STON1: variants seen among roughly 807,000 people sequenced by gnomAD.
STON1 encodes stonin-1.
A neutral mutation model predicts 60.9 loss-of-function variants in STON1; 79 were observed. The observed-to-expected ratio is 1.30, with a 90% confidence interval of 1.08 to 1.56. The LOEUF is 1.56. STON1 is among the 40% of genes most tolerant of loss of function. The pLI, the probability that STON1 is intolerant of heterozygous loss-of-function variation, is 0.00. For synonymous variants in STON1, 363 were observed against 306.9 expected (o/e 1.18, Z -1.91); for missense variants, 1,166 against 858.9 (o/e 1.36, Z -4.47).
In STON1 at chr2:48,595,412, G is replaced by A. The variant is rs984442895; in HGVS notation, c.*110G>A. ...AAATGACTTCTGAATAGCGGTTTTA[G>A]GACAGGTCTGATGGCTGTGTTTAGA... On this transcript the variant is annotated 3_prime_UTR_variant, in exon 4 of 4. Transcript: ENST00000404752. The A allele has an allele frequency of 5.2e-5, 47 of 910,706 alleles. No individual in the cohort carries two copies. The highest frequency in any genetic ancestry group is 4.4e-4 in the Middle Eastern group (2 of 4,568). The allele number at this position is 910,706 out of a possible 1,614,324, so 56.4% of individuals were successfully genotyped here.
intron 1 of STON1, among the ~76,000 whole-genome samples, chr2:48,552,975 A>T (rs1422324923): frequency 6.6e-6 from 1 of 152,108 alleles, no homozygotes; most frequent in Non-Finnish European, 1.5e-5. Flanking sequence ...CTGATGGCAA[A>T]TGGACATCCA....
At chr2:48,548,780 G>A (rs1487098546) in intron 1 of STON1, among the ~76,000 whole-genome samples, 1 of 152,164 alleles carries the variant, frequency 6.6e-6, no homozygotes, top group African/African-American at 2.4e-5. Flanking sequence ...GATTACAGGC[G>A]TGAGCCACCA....
chr2:48,564,575 CCTT>C lies in STON1; in HGVS notation c.-47-16009_-47-16007del, dbSNP rs762338835. Among the ~76,000 whole-genome samples the C allele has an allele frequency of 5.6e-3, 273 of 48,380 alleles. 8 individuals carry two copies. Among genetic ancestry groups the C allele is most frequent in the African/African-American group, 7.4e-3 (98 of 13,184 alleles). 31.7% of individuals were successfully genotyped at this position (48,380 alleles called of 152,430 possible). ...TTCTTCTTCTTCTTCTTCTCCTTCTCCTTCTCCTCCTCCTCCTCCTCCTCCTCC... is the reference window on the plus strand; with the variant it reads ...TTCTTCTTCTTCTTCTTCTCCTTCTCCTCCTCCTCCTCCTCCTCCTCCTCC... On this transcript the variant is annotated intron_variant, in intron 1 of 3. Transcript: ENST00000404752.
At chr2:48,584,355 C>T (rs916195285) in intron 2 of STON1, among the ~76,000 whole-genome samples, 53 of 152,130 alleles carry the variant, frequency 3.5e-4, no homozygotes, top group Admixed American at 3.5e-3. Flanking sequence ...GCAACCTCTG[C>T]CTCCCAGGTT....
In STON1 at chr2:48,581,824, G is replaced by C; in HGVS notation, c.1191G>C (p.Leu397=). Residue 397 remains leucine (L), a synonymous_variant, in exon 2 of 4, where the codon CTG becomes CTC. Coordinates refer to ENST00000404752, the MANE Select transcript of STON1 (RefSeq NM_006873.4). The stretch of plus-strand genomic sequence containing the variant: ...TTCTGACTACTGTGGAGGAGGAGCT[G>C]ATGAAGTTGCCAGCTGTTTCAAAAC... ...LDFLTTVEEE[L]MKLPAVSKPK... is the part of the protein sequence containing the mutation. The C allele has an allele frequency of 1.9e-6, 3 of 1,614,206 alleles. No homozygotes were observed. The highest frequency in any genetic ancestry group is 2.5e-6 in the Non-Finnish European group (3 of 1,180,052).
rs1394167055 is a variant in STON1 at position 48,595,572 on chromosome 2, C to T, written c.*270C>T. The T allele has an allele frequency of 7.4e-6, 3 of 404,502 alleles. No individual in the cohort carries two copies. Among genetic ancestry groups the T allele is most frequent in the South Asian group, 2.7e-5 (1 of 36,478 alleles). 25.1% of individuals were successfully genotyped at this position (404,502 alleles called of 1,614,324 possible). A position where few individuals can be genotyped will look rare whatever the true frequency, so the allele number is the denominator to read the frequency against. On this transcript the variant is annotated 3_prime_UTR_variant, in exon 4 of 4. Transcript: ENST00000404752. ...ATTGAAACTCAAAGGCACTGTTACT[C>T]GTTGTGTGACCCCGCAGCCAGTATG...
At position 48,581,307 on chromosome 2, in the gene STON1, C is replaced by T. The variant is rs1032466607; in HGVS notation, c.674C>T (p.Ser225Leu). Residue 225 changes from serine (S) to leucine (L), a missense_variant, in exon 2 of 4, where the codon TCA (serine) becomes TTA (leucine). Ser to Leu is a moderately radical substitution (Grantham distance 145). Coordinates refer to ENST00000404752, the MANE Select transcript of STON1 (RefSeq NM_006873.4). ...GACCAAAAAAGCCTAAATAAGTGTT[C>T]ACTCAACTATATCTGTGAGAAGCTT... ...PIDQKSLNKCSLNYICEKLEH... is the reference protein window; with the variant it reads ...PIDQKSLNKCLLNYICEKLEH... 2.6e-6 allele frequency: 4 copies of T among 1,525,538 alleles called. No homozygotes were observed. In the African/African-American group the frequency reaches 4.2e-5, roughly 16 times the overall value. 94.5% of individuals were successfully genotyped at this position (1,525,538 alleles called of 1,614,324 possible).
chr2:48,548,548 G>C (rs2103779765), intron 1 of STON1, among the ~76,000 whole-genome samples: 1 of 151,706 alleles, frequency 6.6e-6, no homozygotes, highest in South Asian at 2.1e-4. Flanking sequence ...GCCCAGGCTG[G>C]AGTGCAGTGG....
intron 1 of STON1, among the ~76,000 whole-genome samples, chr2:48,533,922 A>T (rs1476135584): frequency 1.3e-5 from 2 of 151,846 alleles, no homozygotes; most frequent in African/African-American, 4.8e-5. Context: ...GGCATGTGCC[A>T]CCATGCCTGG....
rs1017216447 is a variant in STON1 at position 48,597,387 on chromosome 2, A to G, written c.*2085A>G. The G allele has an allele frequency of 6.6e-6, 1 of 152,232 alleles. No individual in the cohort carries two copies. Among genetic ancestry groups the G allele is most frequent in the African/African-American group, 2.4e-5 (1 of 41,448 alleles). 9.4% of individuals were successfully genotyped at this position (152,232 alleles called of 1,614,324 possible). The stretch of plus-strand genomic sequence containing the variant: ...CAGTCCCAGTGAAGTTAGGTGGGTT[A>G]ATTACTGCCATTCCTTTCTAAGTGT... On this transcript the variant is annotated 3_prime_UTR_variant, in exon 4 of 4. Transcript: ENST00000404752.
At chr2:48,582,947 G>A (rs190970200) in intron 2 of STON1, among the ~76,000 whole-genome samples, 1 of 152,166 alleles carries the variant, frequency 6.6e-6, no homozygotes, top group Non-Finnish European at 1.5e-5. Context: ...TGTCATCCAT[G>A]AATATACCTG....
chr2:48,561,700 G>A (rs938961669), intron 1 of STON1, among the ~76,000 whole-genome samples: 11 of 152,066 alleles, frequency 7.2e-5, no homozygotes, highest in Non-Finnish European at 1.2e-4. Flanking sequence ...AAATGTCTCC[G>A]GACACTGCCA....
chr2:48,585,669 G>A (rs758324486), intron 2 of STON1, among the ~76,000 whole-genome samples: 4 of 152,216 alleles, frequency 2.6e-5, no homozygotes, highest in Non-Finnish European at 4.4e-5. Context: ...AAAGTTACTT[G>A]TGCTAGTTTT....
In STON1 at chr2:48,581,429, ACACTCTTC is replaced by A. The variant is rs781138351; in HGVS notation, c.797_804del (p.Thr266LysfsTer16). ...AAATGCCTCTTCCTTTGTCCCCCAC[ACACTCTTC>A]AGGAGTCAGCCAAAATCCGGATGGT... is the stretch of plus-strand genomic sequence containing the variant. On this transcript the variant is annotated frameshift_variant, in exon 2 of 4. Coordinates refer to ENST00000404752, the MANE Select transcript of STON1 (RefSeq NM_006873.4). LOFTEE classifies it high-confidence loss of function. 6 of 1,613,754 alleles carry A rather than the reference ACACTCTTC, an allele frequency of 3.7e-6. No individual in the cohort carries two copies. Among genetic ancestry groups the A allele is most frequent in the Non-Finnish European group, 5.1e-6 (6 of 1,179,682 alleles).
At chr2:48,555,319 G>C (rs1221482417) in intron 1 of STON1, among the ~76,000 whole-genome samples, 4 of 56,022 alleles carry the variant, frequency 7.1e-5, no homozygotes, top group Admixed American at 1.6e-4. Flanking sequence ...GGGCGGGGGG[G>C]GCTGACCCCC....
At chr2:48,564,199 C>G (rs1390338485) in intron 1 of STON1, among the ~76,000 whole-genome samples, 1 of 152,146 alleles carries the variant, frequency 6.6e-6, no homozygotes, top group Non-Finnish European at 1.5e-5. Flanking sequence ...AGAATGTCTT[C>G]AAGTTTGAGC....
rs1400931126 is a variant in STON1 at position 48,581,776 on chromosome 2, A to T, written c.1143A>T (p.Thr381=). The T allele has an allele frequency of 6.2e-6, 10 of 1,614,134 alleles. No homozygotes were observed. Among genetic ancestry groups the T allele is most frequent in the Non-Finnish European group, 7.6e-6 (9 of 1,180,022 alleles). ...AGCAGATGCTGAAGTTGGGGTCCAC[A>T]TCGTACCATGACTTCCTTGACTTTC... ...DIEQMLKLGS[T]SYHDFLDFLT... is the part of the protein sequence containing the mutation. Residue 381 remains threonine (T), a synonymous_variant, in exon 2 of 4, where the codon ACA becomes ACT. Transcript: ENST00000404752.
At position 48,549,534 on chromosome 2, in the gene STON1, G is replaced by A. The variant is rs556606127; in HGVS notation, c.-48+19318G>A. On this transcript the variant is annotated intron_variant, in intron 1 of 3. Coordinates refer to ENST00000404752, the MANE Select transcript of STON1 (RefSeq NM_006873.4). The stretch of plus-strand genomic sequence containing the variant: ...AGTGGTTCAAGAAGCATCCTAGGCC[G>A]GGCGCGGTGGCTCACGCCTGTAATC... Among the ~76,000 whole-genome samples the A allele has an allele frequency of 1.5e-3, 232 of 152,244 alleles. 4 individuals are homozygous for A. Among genetic ancestry groups the A allele is most frequent in the Non-Finnish European group, 1.5e-3 (105 of 68,020 alleles).
intron 1 of STON1, among the ~76,000 whole-genome samples, chr2:48,548,891 C>G (rs1462656071): frequency 6.6e-6 from 1 of 152,194 alleles, no homozygotes; most frequent in Non-Finnish European, 1.5e-5. Flanking sequence ...TTTTCAAACT[C>G]TTGGCCCTCT....
Sources: gnomAD v4.1 joint callset for allele counts (sites outside exome capture counted in the v4.1 genomes callset) on GRCh38, gnomAD v4.1.1 for gene constraint, MANE v1.5 for transcripts, NCBI Gene and HGNC (gene_info 2026-07-23, HGNC 2026-07-21) for gene names.